Variants in ZFHX4 observed in about 807,000 individuals in gnomAD.
ZFHX4 encodes zinc finger homeobox 4, also known as zinc finger homeobox protein 4.
A neutral mutation model predicts 267.6 loss-of-function variants in ZFHX4; 56 were observed. The ratio of observed to expected loss-of-function variants is 0.21; its 90% CI spans 0.17 to 0.26. The LOEUF (loss-of-function observed/expected upper bound fraction) is 0.26, where lower values mean the gene tolerates loss of function less well. Among genes scored for constraint, ZFHX4 ranks in the 10% least tolerant of loss-of-function variants. The pLI, the probability that ZFHX4 is intolerant of heterozygous loss-of-function variation, is 1.00. For missense variants in ZFHX4, 4,332 were observed against 4,420.0 expected, an observed-to-expected ratio of 0.98 and a Z score of 0.56; for synonymous variants, 1,778 against 1,665.6, an observed-to-expected ratio of 1.07 and a Z score of -1.64.
intron 4 of ZFHX4, among the ~76,000 whole-genome samples, chr8:76,814,955 G>T (rs150908847): frequency 5.1e-4 from 77 of 152,198 alleles, no homozygotes; most frequent in African/African-American, 1.8e-3. Flanking sequence ...ATTTAGAATA[G>T]CCTGTAATGG....
intron 1 of ZFHX4, among the ~76,000 whole-genome samples, chr8:76,696,211 T>C (rs1807952016): frequency 6.6e-6 from 1 of 152,162 alleles, no homozygotes; most frequent in Non-Finnish European, 1.5e-5. Flanking sequence ...TTAAATTGCT[T>C]ATTTCATGCT....
At chr8:76,813,188 C>A (rs1340335146) in intron 4 of ZFHX4, among the ~76,000 whole-genome samples, 2 of 152,048 alleles carry the variant, frequency 1.3e-5, no homozygotes, top group African/African-American at 4.8e-5. Context: ...AGGGGAAGAA[C>A]TCTCTGTTAC....
chr8:76,850,965 G>A lies in ZFHX4; in HGVS notation c.4044G>A (p.Gln1348=). 1 of 1,613,698 alleles carries A rather than the reference G, an allele frequency of 6.2e-7. No individual in the cohort carries two copies. The highest frequency in any genetic ancestry group is 8.5e-7 in the Non-Finnish European group (1 of 1,179,778). The part of the protein sequence containing the change: ...KANVEVKNEE[Q]KPTKEPLEVS... ...ATGTGGAAGTAAAGAATGAGGAGCAGAAACCGACTAAAGAACCCTTGGAAG... is the reference window on the plus strand; with the variant it reads ...ATGTGGAAGTAAAGAATGAGGAGCAAAAACCGACTAAAGAACCCTTGGAAG... Residue 1348 remains glutamine, a synonymous_variant, in exon 10 of 11, where the codon CAG becomes CAA. Coordinates refer to ENST00000651372, the MANE Select transcript of ZFHX4 (RefSeq NM_024721.5).
At position 76,705,980 on chromosome 8, in the gene ZFHX4, A is replaced by G. The variant is rs773620340; in HGVS notation, c.1892A>G (p.His631Arg). 3.7e-6 allele frequency: 6 copies of G among 1,613,080 alleles called. No homozygotes were observed. The highest frequency in any genetic ancestry group is 5.1e-6 in the Non-Finnish European group (6 of 1,179,556). Residue 631 changes from histidine (H) to arginine (R), a missense_variant, in exon 2 of 11, where the codon CAT becomes CGT. By Grantham distance (29) the His-to-Arg change is conservative. Transcript: ENST00000651372. The stretch of plus-strand genomic sequence containing the variant: ...GGGTCTTCGAGGTCTCTTGGTGGTC[A>G]TATGACTATGATGCACTCGAGGAAC... ...VLGSSRSLGG[H>R]MTMMHSRNSC... is the part of the protein sequence containing the mutation.
chr8:76,754,426 T>C (rs1020860296), intron 3 of ZFHX4, among the ~76,000 whole-genome samples: 2 of 152,056 alleles, frequency 1.3e-5, no homozygotes, highest in African/African-American at 4.8e-5. Flanking sequence ...GAGGTGGTGG[T>C]TGTAGTGAGC....
intron 4 of ZFHX4, among the ~76,000 whole-genome samples, chr8:76,802,824 G>T (rs1246033557): frequency 6.6e-6 from 1 of 152,096 alleles, no homozygotes; most frequent in East Asian, 1.9e-4. Context: ...TGTTTTGAGA[G>T]TCAATAATGT....
intron 3 of ZFHX4, among the ~76,000 whole-genome samples, chr8:76,774,634 CA>C (rs1187178501): frequency 2.0e-5 from 3 of 151,936 alleles, no homozygotes; most frequent in African/African-American, 7.2e-5. Context: ...ATTATCTAAA[CA>C]TAGTATATTT....
chr8:76,747,039 C>T (rs185519813), intron 3 of ZFHX4, among the ~76,000 whole-genome samples: 6 of 152,252 alleles, frequency 3.9e-5, no homozygotes, highest in Non-Finnish European at 5.9e-5. Flanking sequence ...AAACTTCTCA[C>T]GTGCTAAATT....
In ZFHX4 at chr8:76,863,805, C is replaced by T. The variant is rs770906328; in HGVS notation, c.10091C>T (p.Ser3364Leu). The change falls in exon 11 of 11, where the codon TCA becomes TTA. Residue 3364 changes from serine (S) to leucine (L), a missense_variant. This residue lies in a region of ZFHX4 where 1,648 missense variants were observed against 1,625.0 expected (regional missense o/e 1.01). Coordinates refer to ENST00000651372, the MANE Select transcript of ZFHX4 (RefSeq NM_024721.5). ...CAGCCGCAAAACTCCAACGATGCTTCAGAAACAAAGGAAGACAAAAGTACT... is the reference window on the plus strand; with the variant it reads ...CAGCCGCAAAACTCCAACGATGCTTTAGAAACAAAGGAAGACAAAAGTACT... ...SDQPQNSNDASETKEDKSTAT... is the reference protein window; with the variant it reads ...SDQPQNSNDALETKEDKSTAT... 11 of 1,552,226 alleles carry T rather than the reference C, an allele frequency of 7.1e-6. No individual in the cohort carries two copies. The East Asian group carries it at 2.4e-4, about 34-fold the overall frequency.
intron 4 of ZFHX4, among the ~76,000 whole-genome samples, chr8:76,781,730 T>C (rs1178846936): frequency 6.6e-6 from 1 of 152,090 alleles, no homozygotes; most frequent in African/African-American, 2.4e-5. Context: ...GGCATTTCCT[T>C]ACTACTTAGC....
intron 3 of ZFHX4, among the ~76,000 whole-genome samples, chr8:76,762,922 G>A (rs1457772559): frequency 6.6e-6 from 1 of 152,180 alleles, no homozygotes; most frequent in Non-Finnish European, 1.5e-5. Flanking sequence ...GAAGCAAAGA[G>A]ATATTATTCT....
chr8:76,829,693 C>T (rs1207726912), intron 4 of ZFHX4, among the ~76,000 whole-genome samples: 1 of 152,072 alleles, frequency 6.6e-6, no homozygotes, highest in African/African-American at 2.4e-5. Context: ...GCTATAATCC[C>T]AGCTACTTGT....
intron 4 of ZFHX4, among the ~76,000 whole-genome samples, chr8:76,816,590 C>CTT (rs950143569): frequency 0.021 from 2,426 of 112,894 alleles, 107 homozygotes; most frequent in African/African-American, 0.066. Flanking sequence ...ATTTAAATGT[C>CTT]TTTTTTTTTT....
intron 3 of ZFHX4, among the ~76,000 whole-genome samples, chr8:76,770,976 T>C (rs1033253054): frequency 6.6e-6 from 1 of 152,148 alleles, no homozygotes; most frequent in Non-Finnish European, 1.5e-5. Context: ...ATTCTTAAAC[T>C]TCAAAATGGA....
intron 3 of ZFHX4, among the ~76,000 whole-genome samples, chr8:76,770,838 A>G (rs1263868508): frequency 1.3e-5 from 2 of 152,182 alleles, no homozygotes; most frequent in Non-Finnish European, 2.9e-5. Flanking sequence ...CTCAGAATGA[A>G]CCTTACACTT....
intron 3 of ZFHX4, among the ~76,000 whole-genome samples, chr8:76,747,150 T>C (rs570650025): frequency 6.6e-6 from 1 of 152,220 alleles, no homozygotes; most frequent in Admixed American, 6.5e-5. Flanking sequence ...TTAATAATTT[T>C]TTTAGAATTT....
chr8:76,773,072 T>G (rs963255455), intron 3 of ZFHX4, among the ~76,000 whole-genome samples: 3 of 152,184 alleles, frequency 2.0e-5, no homozygotes, highest in Admixed American at 2.0e-4. Flanking sequence ...CTTTGCGTCA[T>G]CTGGATCTTC....
In ZFHX4 at chr8:76,855,187, G is replaced by A. The variant is rs760711825; in HGVS notation, c.8266G>A (p.Val2756Ile). 6.2e-7 allele frequency: 1 copy of A among 1,613,306 alleles called. No homozygotes were observed. Among genetic ancestry groups the A allele is most frequent in the Non-Finnish European group, 8.5e-7 (1 of 1,179,668 alleles). Reference protein sequence around the residue: ...NELASTVSTPVSKTAELSPKN... With the variant: ...NELASTVSTPISKTAELSPKN... ...ATTGGCTTCTACAGTGTCAACACCT[G>A]TTAGTAAAACAGCAGAGCTGTCACC... The change falls in exon 10 of 11, where the codon GTT (valine) becomes ATT (isoleucine). Residue 2756 changes from valine to isoleucine, a missense_variant. Transcript: ENST00000651372.
At position 76,854,431 on chromosome 8, in the gene ZFHX4, A is replaced by G. The variant is rs1198585361; in HGVS notation, c.7510A>G (p.Thr2504Ala). The G allele has an allele frequency of 6.2e-7, 1 of 1,613,802 alleles. No individual in the cohort carries two copies. Among genetic ancestry groups the G allele is most frequent in the African/African-American group, 1.3e-5 (1 of 74,978 alleles). ...TGATCAGTGTACAGTTGCCTTCCCA[A>G]CTCTGGAACTCTGGCAGGAACACCA... is the stretch of plus-strand genomic sequence containing the variant. ...QCDQCTVAFP[T>A]LELWQEHQHM... The change falls in exon 10 of 11, where the codon ACT becomes GCT. Residue 2504 changes from threonine (T) to alanine (A), a missense_variant. Around this residue, in one of 7 missense-constraint regions of ZFHX4, gnomAD observed 1,648 missense variants for 1,625.0 expected, o/e 1.01. Transcript: ENST00000651372.
Sources: allele counts gnomAD v4.1 joint callset (sites outside exome capture counted in the v4.1 genomes callset), GRCh38; gene constraint gnomAD v4.1.1; regional missense constraint gnomAD v4.1.1; transcripts MANE v1.5; gene names NCBI Gene and HGNC (gene_info 2026-07-23, HGNC 2026-07-21).